The following HSF5 variants were observed in gnomAD, a reference collection of about 807,000 sequenced individuals.
HSF5 encodes the protein heat shock transcription factor 5.
HSF5 carries 5 observed loss-of-function variants against 50.8 expected under a neutral mutation model. That is an observed-to-expected ratio of 0.10 (90% CI 0.05 to 0.21). HSF5 has a LOEUF of 0.21. Ranked by LOEUF, HSF5 falls within the 10% of genes least tolerant of loss-of-function variation. The pLI is 1.00. For missense variants in HSF5, 564 were observed against 762.6 expected (o/e 0.74, Z 3.07); for synonymous variants, 307 against 307.4 (o/e 1.00, Z 0.02).
intron 5 of HSF5, among the ~76,000 whole-genome samples, chr17:58,452,470 C>T (rs1028787377): frequency 6.6e-6 from 1 of 152,112 alleles, no homozygotes; most frequent in Non-Finnish European, 1.5e-5. Flanking sequence ...AAAGAGAAAA[C>T]CTGAAAAGAC....
At chr17:58,485,104 G>A (rs1187213060) in intron 1 of HSF5, among the ~76,000 whole-genome samples, 5 of 151,566 alleles carry the variant, frequency 3.3e-5, no homozygotes, top group African/African-American at 7.3e-5. Context: ...ACAGGCACCC[G>A]CCACCACGCC....
chr17:58,435,683 C>T (rs933348645), intron 5 of HSF5, among the ~76,000 whole-genome samples: 9 of 151,962 alleles, frequency 5.9e-5, no homozygotes, highest in Non-Finnish European at 1.2e-4. Context: ...GAGGCTGAGG[C>T]GAGCAGGAGA....
chr17:58,487,667 T>C (rs1194653455), intron 1 of HSF5, 58 bp downstream of exon 1: 3 of 1,352,614 alleles, frequency 2.2e-6, no homozygotes, highest in Non-Finnish European at 2.8e-6. Flanking sequence ...CCAGCGGCGG[T>C]TGCTCCCCGC....
rs1023315497 is a variant in HSF5, at chr17:58,435,959, T to C, written c.1721-13529A>G. Among the ~76,000 whole-genome samples the C allele has an allele frequency of 8.6e-5, 13 of 151,682 alleles. No homozygotes were observed. The East Asian group carries it at 2.5e-3, about 29-fold the overall frequency. ...AATAGCTAAAATTCTATTGCTACTA[T>C]GTATGGACTACTTACTATGTAACCC... is the stretch of plus-strand genomic sequence containing the variant. On this transcript the variant is annotated intron_variant, in intron 5 of 5. Coordinates refer to ENST00000323777, the MANE Select transcript of HSF5 (RefSeq NM_001080439.3).
At chr17:58,468,752 T>C (rs928721375) in intron 2 of HSF5, among the ~76,000 whole-genome samples, 3 of 152,174 alleles carry the variant, frequency 2.0e-5, no homozygotes, top group African/African-American at 7.2e-5. Flanking sequence ...CATTAAATTT[T>C]GCACACAGAA....
rs566825074 is a variant in HSF5 at position 58,432,843 on chromosome 17, G to T, written c.1721-10413C>A. On this transcript the variant is annotated intron_variant, in intron 5 of 5. Transcript: ENST00000323777. ...CTAGGCAAGAGAAAGTAGTAGCTTG[G>T]ACCATGGCGACACCAAATAAAGGAG... 1.1e-4 allele frequency among the ~76,000 whole-genome samples: 17 copies of T among 152,134 alleles called. 1 individual carries two copies. Among genetic ancestry groups the T allele is most frequent in the Non-Finnish European group, 2.5e-4 (17 of 68,034 alleles).
At chr17:58,477,088 A>G (rs1473821987) in intron 2 of HSF5, 4 of 452,748 alleles carry the variant, frequency 8.8e-6, no homozygotes, top group African/African-American at 2.0e-5. Context: ...GCCTGACGAC[A>G]GGTATGGGCT....
chr17:58,478,218 G>C (rs531668009), intron 2 of HSF5, among the ~76,000 whole-genome samples: 44 of 151,306 alleles, frequency 2.9e-4, no homozygotes, highest in African/African-American at 1.0e-3. Flanking sequence ...TGGATCACGA[G>C]GTCAGGAGTT....
intron 5 of HSF5, among the ~76,000 whole-genome samples, chr17:58,439,563 C>A (rs957843828): frequency 6.6e-6 from 1 of 152,028 alleles, no homozygotes; most frequent in Non-Finnish European, 1.5e-5. Flanking sequence ...CGGCTCACTG[C>A]AACCTCCACC....
chr17:58,424,590 C>T (rs930120725), intron 5 of HSF5, among the ~76,000 whole-genome samples: 29 of 141,172 alleles, frequency 2.1e-4, no homozygotes, highest in South Asian at 1.3e-3. Context: ...CCGGCCTGGG[C>T]GACAGAGTGA....
chr17:58,468,927 C>T (rs1020148334), intron 2 of HSF5, among the ~76,000 whole-genome samples: 42 of 151,940 alleles, frequency 2.8e-4, no homozygotes, highest in African/African-American at 9.7e-4. Flanking sequence ...GTTAGCTGAA[C>T]AGTTCTTAGA....
intron 3 of HSF5, among the ~76,000 whole-genome samples, chr17:58,464,151 A>G (rs1974831591): frequency 6.6e-6 from 1 of 152,274 alleles, no homozygotes; most frequent in South Asian, 2.1e-4. Context: ...AATCATTAAC[A>G]AAGATTGTCA....
chr17:58,430,134 C>T (rs762097033), intron 5 of HSF5, among the ~76,000 whole-genome samples: 13 of 151,990 alleles, frequency 8.6e-5, no homozygotes, highest in Admixed American at 3.3e-4. Flanking sequence ...AGCACAGTGG[C>T]GCAATCTGGG....
chr17:58,454,273 A>T (rs1035923601), intron 5 of HSF5, among the ~76,000 whole-genome samples: 1 of 152,060 alleles, frequency 6.6e-6, no homozygotes, highest in Admixed American at 6.5e-5. Context: ...AAATAAAAAT[A>T]AAAAATAAAA....
At chr17:58,469,518 G>T (rs1286283600) in intron 2 of HSF5, among the ~76,000 whole-genome samples, 1 of 152,148 alleles carries the variant, frequency 6.6e-6, no homozygotes, top group East Asian at 1.9e-4. Context: ...ACTCCAAAAA[G>T]ATTCCTCAAT....
chr17:58,460,635 GA>G (rs1445353147), intron 4 of HSF5, among the ~76,000 whole-genome samples: 2 of 150,814 alleles, frequency 1.3e-5, no homozygotes, highest in African/African-American at 4.9e-5. Context: ...TCAGCCTCCC[GA>G]GTAGCTGGGA....
Position 58,463,279 on chromosome 17 carries a change from G to C in HSF5, c.1045C>G (p.Pro349Ala), listed in dbSNP as rs1598195158. The C allele has an allele frequency of 6.2e-7, 1 of 1,613,432 alleles. No homozygotes were observed. Among genetic ancestry groups the C allele is most frequent in the Non-Finnish European group, 8.5e-7 (1 of 1,179,478 alleles). The change falls in exon 4 of 6, where the codon CCA becomes GCA. Residue 349 changes from proline to alanine, a missense_variant. By Grantham distance (27) the Pro-to-Ala change is conservative. Coordinates refer to ENST00000323777, the MANE Select transcript of HSF5 (RefSeq NM_001080439.3). The part of the protein sequence containing the change: ...FQNPSMQSSY[P>A]VEFLPSNWPC... ...CAATTGGAAGGCAAAAATTCAACTG[G>C]ATAGGAGGACTGCATTGAAGGATTC...
intron 3 of HSF5, among the ~76,000 whole-genome samples, chr17:58,466,479 C>T (rs1295365619): frequency 6.6e-6 from 1 of 152,140 alleles, no homozygotes; most frequent in East Asian, 1.9e-4. Context: ...ATTCAGTACC[C>T]ATAAGCCATA....
chr17:58,462,355 T>A (rs1409022183), intron 4 of HSF5, among the ~76,000 whole-genome samples: 1 of 152,118 alleles, frequency 6.6e-6, no homozygotes, highest in African/African-American at 2.4e-5. Context: ...CTTCCAACCA[T>A]CTCCTTACCT....
Sources: gnomAD v4.1 joint callset for allele counts (sites outside exome capture counted in the v4.1 genomes callset) on GRCh38, gnomAD v4.1.1 for gene constraint, MANE v1.5 for transcripts, NCBI Gene and HGNC (gene_info 2026-07-23, HGNC 2026-07-21) for gene names.